The following ESRRB variants were observed in gnomAD, a reference collection of about 807,000 sequenced individuals.
ESRRB encodes the protein steroid hormone receptor ERR2.
A neutral mutation model predicts 46.0 loss-of-function variants in ESRRB; 16 were observed. The observed-to-expected ratio is 0.35, with a 90% CI of 0.24 to 0.53. The LOEUF (loss-of-function observed/expected upper bound fraction) is 0.53. Ranked by LOEUF, ESRRB falls within the 20% of genes least tolerant of loss-of-function variation. The pLI is 0.93. For synonymous variants in ESRRB, 246 were observed against 259.6 expected (o/e 0.95, Z 0.50); for missense variants, 488 against 607.4 (o/e 0.80, Z 2.07).
chr14:76,463,620 T>G (rs2139994386), intron 3 of ESRRB, among the ~76,000 whole-genome samples: 1 of 151,934 alleles, frequency 6.6e-6, no homozygotes, highest in South Asian at 2.1e-4. Flanking sequence ...CTAATTTTTT[T>G]GTATTTTTAG....
At chr14:76,330,364 T>C (rs1445896955) in intron 1 of ESRRB, among the ~76,000 whole-genome samples, 3 of 152,182 alleles carry the variant, frequency 2.0e-5, no homozygotes, top group Non-Finnish European at 4.4e-5. Flanking sequence ...GGGCTCCAGT[T>C]AGAGTGTCCA....
At chr14:76,492,429 A>C (rs1449706312) in intron 6 of ESRRB, among the ~76,000 whole-genome samples, 1 of 152,220 alleles carries the variant, frequency 6.6e-6, no homozygotes, top group African/African-American at 2.4e-5. Flanking sequence ...AGCCTCCCAA[A>C]GTGTTGGCAC....
At chr14:76,418,018 C>A (rs941897247) in intron 1 of ESRRB, among the ~76,000 whole-genome samples, 3 of 143,286 alleles carry the variant, frequency 2.1e-5, no homozygotes, top group African/African-American at 2.6e-5. Flanking sequence ...TGCAGAGACA[C>A]AATCTTGGCC....
Position 76,500,129 on chromosome 14 carries a change from C to A in ESRRB, c.*1671C>A, listed in dbSNP as rs1006410893. The A allele has an allele frequency of 1.3e-5, 18 of 1,405,478 alleles. No individual in the cohort carries two copies. Among genetic ancestry groups the A allele is most frequent in the African/African-American group, 2.9e-5 (2 of 70,118 alleles). The allele number at this position is 1,405,478 out of a possible 1,614,324, so 87.1% of individuals were successfully genotyped here. On this transcript the variant is annotated 3_prime_UTR_variant, in exon 7 of 7. Coordinates refer to ENST00000644823, the MANE Select transcript of ESRRB (RefSeq NM_001379180.1). ...CACCTCCTTGGCTCTACCCCAGGAA[C>A]CTCCCGGCCTGGGCTTCTGGGCTGG...
chr14:76,444,845 G>A (rs553691794), intron 2 of ESRRB, among the ~76,000 whole-genome samples: 13 of 152,100 alleles, frequency 8.5e-5, no homozygotes, highest in Non-Finnish European at 1.3e-4. Context: ...AGCCATTCAC[G>A]AGTGCCTGTA....
At chr14:76,346,097 G>A (rs370194433) in intron 1 of ESRRB, among the ~76,000 whole-genome samples, 16 of 152,186 alleles carry the variant, frequency 1.1e-4, no homozygotes, top group Admixed American at 4.6e-4. Context: ...ATTAGGGCCC[G>A]CTTTAATCTC....
chr14:76,337,381 G>A (rs1388356799), intron 1 of ESRRB, among the ~76,000 whole-genome samples: 1 of 152,146 alleles, frequency 6.6e-6, no homozygotes, highest in African/African-American at 2.4e-5. Flanking sequence ...TAGGAAGGTA[G>A]GAAGCATTCG....
intron 1 of ESRRB, among the ~76,000 whole-genome samples, chr14:76,390,283 G>A (rs1232854422): frequency 6.6e-6 from 1 of 152,202 alleles, no homozygotes; most frequent in African/African-American, 2.4e-5. Context: ...GAGGTCAGCA[G>A]TTTGAGACCA....
chr14:76,332,850 TTA>T (rs1310251993), intron 1 of ESRRB, among the ~76,000 whole-genome samples: 102 of 33,758 alleles, frequency 3.0e-3, no homozygotes, highest in Admixed American at 4.4e-3. Context: ...TATTTATATA[TTA>T]TATATTTATA....
chr14:76,491,313 G>A, intron 5 of ESRRB, 134 bp from the exon 6 acceptor site: 1 of 802,916 alleles, frequency 1.2e-6, no homozygotes, highest in Non-Finnish European at 2.0e-6. Context: ...AAAGCCTGGG[G>A]GCAGGATCCA....
intron 2 of ESRRB, among the ~76,000 whole-genome samples, chr14:76,459,594 C>T (rs1888768261): frequency 6.6e-6 from 1 of 152,138 alleles, no homozygotes; most frequent in Non-Finnish European, 1.5e-5. Context: ...AATCCTCCAG[C>T]GCCTTCTAAG....
chr14:76,440,449 T>C (rs1030435959), intron 2 of ESRRB, among the ~76,000 whole-genome samples: 1 of 152,102 alleles, frequency 6.6e-6, no homozygotes, highest in African/African-American at 2.4e-5. Flanking sequence ...ATAATAATAA[T>C]ATATGAGTAT....
At chr14:76,361,777 T>G (rs890915743) in intron 1 of ESRRB, among the ~76,000 whole-genome samples, 1 of 152,210 alleles carries the variant, frequency 6.6e-6, no homozygotes, top group Non-Finnish European at 1.5e-5. Context: ...GGGGACTCTA[T>G]GGCTCGCCAT....
chr14:76,444,312 C>T (rs943041276), intron 2 of ESRRB, among the ~76,000 whole-genome samples: 31 of 151,962 alleles, frequency 2.0e-4, no homozygotes, highest in Admixed American at 7.9e-4. Flanking sequence ...GGATTATAGG[C>T]GTGAGCCACC....
intron 1 of ESRRB, among the ~76,000 whole-genome samples, chr14:76,425,767 G>C (rs1009400263): frequency 6.6e-6 from 1 of 152,066 alleles, no homozygotes; most frequent in African/African-American, 2.4e-5. Context: ...GGAGTGCAGT[G>C]GTGTGATCTC....
chr14:76,370,204 A>G (rs1240065939), upstream of ESRRB, among the ~76,000 whole-genome samples: 2 of 148,728 alleles, frequency 1.3e-5, no homozygotes, highest in African/African-American at 5.0e-5. Flanking sequence ...CCTGGGTAAC[A>G]TGGCAAAACC....
At chr14:76,350,813 A>G (rs1884304636) in intron 1 of ESRRB, among the ~76,000 whole-genome samples, 1 of 152,146 alleles carries the variant, frequency 6.6e-6, no homozygotes, top group Non-Finnish European at 1.5e-5. Context: ...ATGGACTAGC[A>G]GGACGCAGCT....
At chr14:76,332,798 A>ATTATATATT (rs1566853430) in intron 1 of ESRRB, among the ~76,000 whole-genome samples, 4 of 9,324 alleles carry the variant, frequency 4.3e-4, no homozygotes, top group East Asian at 9.1e-3. Flanking sequence ...ATAAATATAT[A>ATTATATATT]ATATATTTAT....
At chr14:76,476,159 C>T (rs969953084) in intron 3 of ESRRB, among the ~76,000 whole-genome samples, 5 of 151,836 alleles carry the variant, frequency 3.3e-5, no homozygotes, top group South Asian at 4.2e-4. Context: ...TCAAGATCTC[C>T]GTCTGCACAG....
Sources: gnomAD v4.1 joint callset for allele counts (sites outside exome capture counted in the v4.1 genomes callset) on GRCh38, gnomAD v4.1.1 for gene constraint, MANE v1.5 for transcripts, NCBI Gene and HGNC (gene_info 2026-07-23, HGNC 2026-07-21) for gene names.